Variants in AP4E1 observed in about 807,000 individuals in gnomAD.
The protein encoded by AP4E1 is AP-4 complex subunit epsilon-1.
AP4E1 carries 56 observed loss-of-function variants against 128.2 expected under a neutral mutation model. The observed-to-expected ratio is 0.44, with a 90% CI of 0.35 to 0.55. The LOEUF (loss-of-function observed/expected upper bound fraction) is 0.55, where lower values mean the gene tolerates loss of function less well. Among genes scored for constraint, AP4E1 ranks in the 20% least tolerant of loss-of-function variants. The pLI is 0.00. For missense variants in AP4E1, 1,324 were observed against 1,307.7 expected (o/e 1.01, Z -0.19); for synonymous variants, 484 against 473.1 (o/e 1.02, Z -0.30).
At chr15:50,999,815 TG>T (rs2064934842) in intron 19 of AP4E1, among the ~76,000 whole-genome samples, 2 of 152,040 alleles carry the variant, frequency 1.3e-5, no homozygotes, top group Middle Eastern at 3.4e-3. Context: ...ACTCGTCATT[TG>T]GCAGTAGGTA....
intron 13 of AP4E1, among the ~76,000 whole-genome samples, chr15:50,952,834 T>C (rs1051552065): frequency 2.0e-5 from 3 of 152,222 alleles, no homozygotes; most frequent in South Asian, 4.1e-4. Context: ...GTGAGAATAC[T>C]ACATAGGCAA....
intron 16 of AP4E1, among the ~76,000 whole-genome samples, chr15:50,988,908 G>A (rs1000560103): frequency 5.3e-5 from 8 of 152,104 alleles, no homozygotes; most frequent in Non-Finnish European, 2.9e-5. Context: ...ATTTGGAGCC[G>A]AATTTCATCC....
At chr15:50,990,344 T>TTTA (rs67379169) in intron 16 of AP4E1, among the ~76,000 whole-genome samples, 7,758 of 141,046 alleles carry the variant, frequency 0.055, 373 homozygotes, top group African/African-American at 0.12. Flanking sequence ...ATTTATTTAA[T>TTTA]TTATTATTAT....
chr15:50,933,571 T>A (rs28552599), intron 7 of AP4E1, among the ~76,000 whole-genome samples: 25,945 of 148,808 alleles, frequency 0.17, 2,435 homozygotes, highest in African/African-American at 0.25. Context: ...ATATTACCAA[T>A]TTTTTTTGGG....
chr15:50,985,903 A>G (rs1050382054), intron 16 of AP4E1, among the ~76,000 whole-genome samples: 4 of 152,216 alleles, frequency 2.6e-5, no homozygotes, highest in Non-Finnish European at 5.9e-5. Flanking sequence ...ACCTTGGGCA[A>G]TATGGCCATT....
chr15:50,958,421 G>A, intron 13 of AP4E1, 71 bp from the exon 14 acceptor site: 1 of 1,319,352 alleles, frequency 7.6e-7, no homozygotes, highest in South Asian at 1.3e-5. Flanking sequence ...TAGGTACTTT[G>A]TTTAGATTTT....
chr15:50,961,420 G>T (rs1484036353), intron 14 of AP4E1, among the ~76,000 whole-genome samples: 1 of 151,938 alleles, frequency 6.6e-6, no homozygotes, highest in Non-Finnish European at 1.5e-5. Flanking sequence ...TGATCAAGTG[G>T]AATTTTCCCA....
At position 50,923,813 on chromosome 15, in the gene AP4E1, G is replaced by A. The variant is rs992084298; in HGVS notation, c.347-118G>A. On this transcript the variant is annotated intron_variant, in intron 3 of 20. Transcript: ENST00000261842. The stretch of plus-strand genomic sequence containing the variant: ...TTTTTAACCTTATATTTTGCAATTT[G>A]TGTTTCTGTTTACTTGTAACTGGTA... 1.7e-5 allele frequency: 13 copies of A among 749,054 alleles called. No homozygotes were observed. In the African/African-American group the frequency reaches 2.1e-4, roughly 12 times the overall value. The allele number at this position is 749,054 out of a possible 1,614,324, so 46.4% of individuals were successfully genotyped here.
In AP4E1 at chr15:50,964,706, G is replaced by C. The variant is rs115692696; in HGVS notation, c.1852-3557G>C. On this transcript the variant is annotated intron_variant, in intron 14 of 20. Transcript: ENST00000261842. ...GCTTTGATTCTGGATGGGCACAGTA[G>C]TATATTTTCCAGATGATTTCTTCAA... 2.1e-3 allele frequency among the ~76,000 whole-genome samples: 322 copies of C among 152,184 alleles called. 2 individuals are homozygous for C. Among genetic ancestry groups the C allele is most frequent in the African/African-American group, 7.5e-3 (312 of 41,532 alleles).
intron 15 of AP4E1, among the ~76,000 whole-genome samples, chr15:50,969,803 C>T (rs929290320): frequency 1.6e-4 from 25 of 151,752 alleles, no homozygotes; most frequent in Non-Finnish European, 3.5e-4. Flanking sequence ...GGACTACAAG[C>T]GCCGGCCACC....
intron 16 of AP4E1, among the ~76,000 whole-genome samples, chr15:50,985,191 TG>T (rs1301720762): frequency 4.6e-5 from 7 of 152,234 alleles, no homozygotes; most frequent in Non-Finnish European, 8.8e-5. Flanking sequence ...TTGAGTTCTT[TG>T]TAGATTCTGG....
Position 50,924,034 on chromosome 15 carries a change from G to C in AP4E1, c.420+30G>C, listed in dbSNP as rs768858016. The stretch of plus-strand genomic sequence containing the variant: ...TGTATTGTATGTTGGTTAATATGAA[G>C]TCATAATTCTTGTCAGCACCTGATA... On this transcript the variant is annotated intron_variant, in intron 4 of 20. Coordinates refer to ENST00000261842, the MANE Select transcript of AP4E1 (RefSeq NM_007347.5). 2.6e-6 allele frequency: 4 copies of C among 1,548,618 alleles called. No homozygotes were observed. The East Asian group carries it at 9.0e-5, about 35-fold the overall frequency.
chr15:50,957,698 A>C, intron 13 of AP4E1, among the ~76,000 whole-genome samples: 1 of 85,370 alleles, frequency 1.2e-5, no homozygotes, highest in Non-Finnish European at 2.2e-5. Context: ...TTTTTTTGAG[A>C]CGGAGTCTTG....
At position 50,915,583 on chromosome 15, in the gene AP4E1, T is replaced by C; in HGVS notation, c.346+12T>C. 1 of 1,613,332 alleles carries C rather than the reference T, an allele frequency of 6.2e-7. No homozygotes were observed. Among genetic ancestry groups the C allele is most frequent in the Non-Finnish European group, 8.5e-7 (1 of 1,179,570 alleles). ...AGAAAAAAGAGTAGGTATGTATGTG[T>C]TTTAAGACTTTGATGCTTTCATGTT... On this transcript the variant is annotated intron_variant, in intron 3 of 20. Coordinates refer to ENST00000261842, the MANE Select transcript of AP4E1 (RefSeq NM_007347.5).
chr15:50,944,161 A>G (rs1412502067), intron 10 of AP4E1, among the ~76,000 whole-genome samples: 1 of 152,182 alleles, frequency 6.6e-6, no homozygotes, highest in Non-Finnish European at 1.5e-5. Context: ...TGGTGCCCAA[A>G]GATGGCACTA....
chr15:50,930,721 T>G, intron 6 of AP4E1, 84 bp from the exon 7 acceptor site: 1 of 1,314,562 alleles, frequency 7.6e-7, no homozygotes, highest in Non-Finnish European at 1.1e-6. Flanking sequence ...ATGTATTAAG[T>G]CAGGTTCTAT....
intron 8 of AP4E1, among the ~76,000 whole-genome samples, chr15:50,940,005 G>T (rs56017509): frequency 0.019 from 2,814 of 152,078 alleles, 107 homozygotes; most frequent in African/African-American, 0.065. Flanking sequence ...TCTTTCTTTA[G>T]TTCACAGGCC....
chr15:50,989,911 A>T (rs895081180), intron 16 of AP4E1, among the ~76,000 whole-genome samples: 1 of 152,206 alleles, frequency 6.6e-6, no homozygotes, highest in African/African-American at 2.4e-5. Flanking sequence ...CAGCTCACAC[A>T]TTATTTCAGA....
At chr15:50,942,451 A>G (rs2064000449) in intron 10 of AP4E1, among the ~76,000 whole-genome samples, 1 of 152,024 alleles carries the variant, frequency 6.6e-6, no homozygotes, top group African/African-American at 2.4e-5. Context: ...ATGTTAATTA[A>G]TGATTTCTCA....
Sources: gnomAD v4.1 joint callset for allele counts (sites outside exome capture counted in the v4.1 genomes callset) on GRCh38, gnomAD v4.1.1 for gene constraint, MANE v1.5 for transcripts, NCBI Gene and HGNC (gene_info 2026-07-23, HGNC 2026-07-21) for gene names.